Variants in AP3D1 observed in about 807,000 individuals in gnomAD.
The protein encoded by AP3D1 is AP-3 complex subunit delta-1.
In AP3D1, 51 loss-of-function variants were observed where a neutral mutation model predicts 147.6. That is an observed-to-expected ratio of 0.35 (90% CI 0.28 to 0.44). The LOEUF is 0.44. AP3D1 is among the 20% of genes least tolerant of loss of function. The probability of loss-of-function intolerance (pLI) is 1.00; values close to 1 mark genes in which losing one functional copy is unlikely to be tolerated. For synonymous variants in AP3D1, 760 were observed against 663.0 expected (o/e 1.15, Z -2.25); for missense variants, 1,421 against 1,624.2 (o/e 0.87, Z 2.15).
At chr19:2,136,286 T>C (rs1449016742) in intron 4 of AP3D1, among the ~76,000 whole-genome samples, 1 of 152,214 alleles carries the variant, frequency 6.6e-6, no homozygotes, top group East Asian at 1.9e-4. Context: ...TCCCTCGGCG[T>C]GCTGGGAGCC....
At chr19:2,153,633 C>G (rs1423995391), upstream of AP3D1, among the ~76,000 whole-genome samples, 1 of 151,342 alleles carries the variant, frequency 6.6e-6, no homozygotes, top group African/African-American at 2.4e-5. Flanking sequence ...TGAGATTGCC[C>G]CATTACACTC....
At chr19:2,141,313 C>A (rs2019213792) in intron 1 of AP3D1, among the ~76,000 whole-genome samples, 1 of 151,936 alleles carries the variant, frequency 6.6e-6, no homozygotes, top group Non-Finnish European at 1.5e-5. Flanking sequence ...GTCTCAGCAT[C>A]TATTTAATTC....
chr19:2,150,555 G>C (rs1273575370), intron 1 of AP3D1, among the ~76,000 whole-genome samples: 1 of 152,190 alleles, frequency 6.6e-6, no homozygotes, highest in Admixed American at 6.5e-5. Flanking sequence ...CCTCACTGGG[G>C]ATCAGGATGC....
upstream of AP3D1, among the ~76,000 whole-genome samples, chr19:2,155,443 A>T (rs762428583): frequency 6.7e-6 from 1 of 149,386 alleles, no homozygotes; most frequent in Non-Finnish European, 1.5e-5. Flanking sequence ...CTGAGGCAGG[A>T]GAATCACTTG....
intron 25 of AP3D1, 154 bp downstream of exon 25, chr19:2,111,525 G>C: frequency 8.1e-7 from 1 of 1,237,804 alleles, no homozygotes; most frequent in South Asian, 1.5e-5. Context: ...CTAATGTGGG[G>C]CTGCGGGCCA....
intron 1 of AP3D1, among the ~76,000 whole-genome samples, chr19:2,160,813 G>A (rs1456053604): frequency 6.6e-6 from 1 of 152,142 alleles, no homozygotes; most frequent in Non-Finnish European, 1.5e-5. Flanking sequence ...TCTCTGGGGT[G>A]GGCTATCCTG....
In AP3D1 at chr19:2,111,664, T is replaced by G; in HGVS notation, c.2937+15A>C. ...GAACCCCGGCGTGGGGCGGGGGCGC[T>G]GAAGTACCCCTCACCGGGAGCTGCT... On this transcript the variant is annotated intron_variant, in intron 25 of 31. Transcript: ENST00000643116. 1 of 1,576,596 alleles carries G rather than the reference T, an allele frequency of 6.3e-7. No homozygotes were observed. Among genetic ancestry groups the G allele is most frequent in the East Asian group, 2.3e-5 (1 of 43,212 alleles).
intron 8 of AP3D1, among the ~76,000 whole-genome samples, chr19:2,127,939 C>T (rs543861163): frequency 1.8e-4 from 28 of 152,354 alleles, no homozygotes; most frequent in African/African-American, 3.6e-4. Flanking sequence ...AATGGCCACG[C>T]GCCATAGCCT....
At chr19:2,122,967 G>C (rs1377951589) in intron 11 of AP3D1, among the ~76,000 whole-genome samples, 4 of 152,242 alleles carry the variant, frequency 2.6e-5, no homozygotes, top group Non-Finnish European at 5.9e-5. Flanking sequence ...GCTGTGTGCT[G>C]CTCTATCTCA....
chr19:2,140,124 C>T (rs552351739), intron 1 of AP3D1, among the ~76,000 whole-genome samples: 17 of 152,268 alleles, frequency 1.1e-4, no homozygotes, highest in African/African-American at 3.9e-4. Context: ...AAGGATAACC[C>T]ACTCCTCCTG....
chr19:2,127,095 T>A (rs1201247733), intron 9 of AP3D1, 57 bp downstream of exon 9: 5 of 1,590,380 alleles, frequency 3.1e-6, no homozygotes, highest in Non-Finnish European at 3.4e-6. Flanking sequence ...TGTCCCCACC[T>A]GAGACCCCAG....
chr19:2,114,732 A>G lies in AP3D1; in HGVS notation c.2423+16T>C. ...CATGTGGCCTCCACCCTCACCCTGA[A>G]CCCATATGGACTCACTTATCCAGGT... On this transcript the variant is annotated intron_variant, in intron 21 of 31. Coordinates refer to ENST00000643116, the MANE Select transcript of AP3D1 (RefSeq NM_001261826.3). The G allele has an allele frequency of 1.9e-6, 3 of 1,612,060 alleles. No homozygotes were observed. The highest frequency in any genetic ancestry group is 2.5e-6 in the Non-Finnish European group (3 of 1,178,480).
upstream of AP3D1, among the ~76,000 whole-genome samples, chr19:2,156,281 G>A (rs149985153): frequency 3.1e-4 from 47 of 152,158 alleles, no homozygotes; most frequent in Middle Eastern, 0.01. Flanking sequence ...GCTCCAGCCC[G>A]AATCAGTTAC....
intron 14 of AP3D1, among the ~76,000 whole-genome samples, chr19:2,119,040 A>C (rs767574567): frequency 6.6e-6 from 1 of 152,232 alleles, no homozygotes; most frequent in African/African-American, 2.4e-5. Context: ...AGAGATGTGG[A>C]GATGACAGAG....
At chr19:2,102,948 T>C (rs1599431602) in intron 31 of AP3D1, among the ~76,000 whole-genome samples, 1 of 150,878 alleles carries the variant, frequency 6.6e-6, no homozygotes, top group East Asian at 2.0e-4. Context: ...AAACTCCATC[T>C]CAAAAATAAA....
At chr19:2,136,913 G>T in intron 4 of AP3D1, 98 bp downstream of exon 4, 1 of 1,157,496 alleles carries the variant, frequency 8.6e-7, no homozygotes, top group Non-Finnish European at 1.3e-6. Flanking sequence ...GGGGCCACAG[G>T]CACCTGCTGC....
At position 2,112,262 on chromosome 19, in the gene AP3D1, T is replaced by C. The variant is rs574513968; in HGVS notation, c.2788-434A>G. The C allele has an allele frequency of 4.2e-4, 83 of 199,464 alleles. 1 individual carries two copies. In the South Asian group the frequency reaches 8.2e-3, roughly 20 times the overall value. The allele number at this position is 199,464 out of a possible 1,614,324, so 12.4% of individuals were successfully genotyped here. A position where few individuals can be genotyped will look rare whatever the true frequency, so the allele number is the denominator to read the frequency against. The stretch of plus-strand genomic sequence containing the variant: ...TCAACAGATGAGTGGGTCAGCACAG[T>C]GTGGCCCATCCGCGGAGGAACGGGG... On this transcript the variant is annotated intron_variant, in intron 24 of 31. Transcript: ENST00000643116.
intron 1 of AP3D1, among the ~76,000 whole-genome samples, chr19:2,144,466 G>A (rs538225214): frequency 7.2e-5 from 11 of 152,216 alleles, no homozygotes; most frequent in African/African-American, 1.9e-4. Flanking sequence ...ACGCAACAGG[G>A]CAGAAACCAG....
At chr19:2,109,018 A>G in intron 30 of AP3D1, 68 bp downstream of exon 30, 1 of 1,588,726 alleles carries the variant, frequency 6.3e-7, no homozygotes, top group Non-Finnish European at 8.5e-7. Flanking sequence ...GCCCGGCTCC[A>G]ATAGGAAGGG....
Sources: allele counts gnomAD v4.1 joint callset (sites outside exome capture counted in the v4.1 genomes callset), GRCh38; gene constraint gnomAD v4.1.1; transcripts MANE v1.5; gene names NCBI Gene and HGNC (gene_info 2026-07-23, HGNC 2026-07-21).